The following MEF2A variants were observed in gnomAD, a reference collection of about 807,000 sequenced individuals.
MEF2A encodes the protein myocyte-specific enhancer factor 2A.
A neutral mutation model predicts 55.8 loss-of-function variants in MEF2A; 28 were observed. The observed-to-expected ratio is 0.50, with a 90% CI of 0.37 to 0.69. The LOEUF (loss-of-function observed/expected upper bound fraction) is 0.69, where lower values mean the gene tolerates loss of function less well. MEF2A is among the 30% of genes least tolerant of loss of function. The probability of loss-of-function intolerance (pLI) is 0.00; values close to 1 mark genes in which losing one functional copy is unlikely to be tolerated. For synonymous variants in MEF2A, 239 were observed against 227.1 expected, an observed-to-expected ratio of 1.05 and a Z score of -0.47; for missense variants, 528 against 626.2, an observed-to-expected ratio of 0.84 and a Z score of 1.67.
intron 8 of MEF2A, among the ~76,000 whole-genome samples, chr15:99,693,780 G>A (rs770122871): frequency 1.5e-5 from 2 of 133,700 alleles, no homozygotes; most frequent in Non-Finnish European, 3.3e-5. Context: ...GCAAAAACTC[G>A]AGTCTACACA....
intron 4 of MEF2A, among the ~76,000 whole-genome samples, chr15:99,663,090 C>T (rs559249159): frequency 7.1e-4 from 107 of 150,172 alleles, no homozygotes; most frequent in Admixed American, 2.0e-3. Context: ...TTTTTTTTTT[C>T]AGTTCTTGGT....
intron 5 of MEF2A, 116 bp from the exon 6 acceptor site, chr15:99,674,277 T>C: frequency 1.2e-6 from 1 of 864,362 alleles, no homozygotes; most frequent in Non-Finnish European, 1.8e-6. Context: ...GTTAAGAACC[T>C]ATCCCTATCC....
At chr15:99,695,859 CAAA>C (rs55908002) in intron 8 of MEF2A, among the ~76,000 whole-genome samples, 131 of 135,210 alleles carry the variant, frequency 9.7e-4, no homozygotes, top group South Asian at 1.7e-3. Context: ...AACTCCGTCT[CAAA>C]AAAAAAAAAA....
intron 1 of MEF2A, among the ~76,000 whole-genome samples, chr15:99,591,615 T>C (rs776781008): frequency 1.5e-4 from 23 of 152,132 alleles, no homozygotes; most frequent in Non-Finnish European, 3.2e-4. Flanking sequence ...TATTTTTTGT[T>C]TCTCCTTCCT....
At position 99,703,370 on chromosome 15, in the gene MEF2A, A is replaced by G. The variant is rs1186724547; in HGVS notation, c.867A>G (p.Glu289=). The change falls in exon 9 of 12, where the codon GAA becomes GAG. Residue 289 remains glutamate, a synonymous_variant. Coordinates refer to ENST00000557942, the MANE Select transcript of MEF2A (RefSeq NM_001319206.4). The part of the protein sequence containing the change: ...SKGMMPPLSE[E]EELELNTQRI... Reference sequence around the variant, plus strand: ...TTATGTGCTGAGTACAGTCGGAGGAAGAGGAATTGGAGTTGGTGAGTGTGG... The same window carrying G: ...TTATGTGCTGAGTACAGTCGGAGGAGGAGGAATTGGAGTTGGTGAGTGTGG... 1 of 1,611,630 alleles carries G rather than the reference A, an allele frequency of 6.2e-7. No individual in the cohort carries two copies. Among genetic ancestry groups the G allele is most frequent in the African/African-American group, 1.3e-5 (1 of 74,824 alleles).
rs978125528 is a variant in MEF2A, at chr15:99,610,124, G to A, written c.-143+11613G>A. On this transcript the variant is annotated intron_variant, in intron 2 of 11. Transcript: ENST00000557942. The stretch of plus-strand genomic sequence containing the variant: ...CTGGAAGCATTTGAAATCAAGAATC[G>A]TATAGAGCACTGGCAGTGAACAATC... Among the ~76,000 whole-genome samples, 17 of 151,986 alleles carry A rather than the reference G, an allele frequency of 1.1e-4. 1 individual carries two copies. In the South Asian group the frequency reaches 2.5e-3, roughly 22 times the overall value.
chr15:99,631,413 G>C (rs1396321837), intron 2 of MEF2A, among the ~76,000 whole-genome samples: 1 of 152,076 alleles, frequency 6.6e-6, no homozygotes, highest in East Asian at 1.9e-4. Flanking sequence ...AATGTTTCCT[G>C]TTCCCTTTTG....
chr15:99,579,404 C>CT (rs1011821195), intron 1 of MEF2A, among the ~76,000 whole-genome samples: 6 of 150,278 alleles, frequency 4.0e-5, no homozygotes, highest in Non-Finnish European at 4.4e-5. Flanking sequence ...TTCTTTTGTC[C>CT]TTTTTTTTGA....
intron 8 of MEF2A, among the ~76,000 whole-genome samples, chr15:99,702,536 T>A (rs2057532564): frequency 6.6e-6 from 1 of 151,206 alleles, no homozygotes; most frequent in Non-Finnish European, 1.5e-5. Flanking sequence ...CAAGCAATTC[T>A]CCTGCCTCAG....
At chr15:99,611,396 A>G (rs1482904321) in intron 2 of MEF2A, among the ~76,000 whole-genome samples, 1 of 152,242 alleles carries the variant, frequency 6.6e-6, no homozygotes, top group African/African-American at 2.4e-5. Context: ...AAGAAGATAA[A>G]TAAATGACCA....
intron 1 of MEF2A, among the ~76,000 whole-genome samples, chr15:99,589,548 A>G (rs1968546604): frequency 6.6e-6 from 1 of 151,860 alleles, no homozygotes; most frequent in Non-Finnish European, 1.5e-5. Flanking sequence ...TTAGTTTAAT[A>G]TGCTCCTTTT....
At chr15:99,705,513 A>G (rs527949448) in intron 9 of MEF2A, among the ~76,000 whole-genome samples, 85 of 152,328 alleles carry the variant, frequency 5.6e-4, no homozygotes, top group African/African-American at 1.9e-3. Context: ...TATTTTCCCA[A>G]TGCCTAGGAA....
At chr15:99,693,229 G>A (rs1229618646) in intron 8 of MEF2A, among the ~76,000 whole-genome samples, 1 of 152,128 alleles carries the variant, frequency 6.6e-6, no homozygotes, top group African/African-American at 2.4e-5. Flanking sequence ...GAAATACAAA[G>A]AGAAAGAAGA....
chr15:99,608,318 A>G (rs983892959), intron 2 of MEF2A, among the ~76,000 whole-genome samples: 1 of 152,222 alleles, frequency 6.6e-6, no homozygotes, highest in Admixed American at 6.5e-5. Context: ...TGTATAAAAC[A>G]TGTTGCATAT....
intron 11 of MEF2A, among the ~76,000 whole-genome samples, chr15:99,711,315 C>T (rs186878370): frequency 1.3e-5 from 2 of 152,322 alleles, no homozygotes; most frequent in Non-Finnish European, 2.9e-5. Flanking sequence ...CAGTCAGGCT[C>T]CATAGGATTT....
intron 2 of MEF2A, among the ~76,000 whole-genome samples, chr15:99,605,290 G>A (rs182707062): frequency 6.6e-6 from 1 of 152,126 alleles, no homozygotes; most frequent in Non-Finnish European, 1.5e-5. Flanking sequence ...AGCCAACCCA[G>A]ATAATCCAAA....
intron 2 of MEF2A, among the ~76,000 whole-genome samples, chr15:99,624,668 C>T (rs1490217458): frequency 6.6e-6 from 1 of 152,144 alleles, no homozygotes; most frequent in African/African-American, 2.4e-5. Flanking sequence ...CTTGAGATTT[C>T]ATACGAGTTT....
chr15:99,671,464 T>C lies in MEF2A; in HGVS notation c.390+10T>C. On this transcript the variant is annotated intron_variant, in intron 5 of 11. Coordinates refer to ENST00000557942, the MANE Select transcript of MEF2A (RefSeq NM_001319206.4). ...TTTCAAACGAGGCCCTGTAAGTACT[T>C]TTACTTTACCTCTACTTTTTATTTG... The C allele has an allele frequency of 6.2e-7, 1 of 1,613,884 alleles. No homozygotes were observed. The highest frequency in any genetic ancestry group is 8.5e-7 in the Non-Finnish European group (1 of 1,179,792).
intron 1 of MEF2A, among the ~76,000 whole-genome samples, chr15:99,582,720 C>G (rs1966289791): frequency 6.6e-6 from 1 of 152,094 alleles, no homozygotes; most frequent in South Asian, 2.1e-4. Context: ...TTAAAGTCAT[C>G]TCTGTAGCTC....
Sources: gnomAD v4.1 joint callset for allele counts (sites outside exome capture counted in the v4.1 genomes callset) on GRCh38, gnomAD v4.1.1 for gene constraint, MANE v1.5 for transcripts, NCBI Gene and HGNC (gene_info 2026-07-23, HGNC 2026-07-21) for gene names.